GUCY2C: variants seen among roughly 807,000 people sequenced by gnomAD.
GUCY2C encodes guanylate cyclase 2C.
A neutral mutation model predicts 131.1 loss-of-function variants in GUCY2C; 118 were observed. The ratio of observed to expected loss-of-function variants is 0.90; its 90% CI spans 0.78 to 1.05. The LOEUF (loss-of-function observed/expected upper bound fraction) is 1.05. GUCY2C is among the 50% of genes least tolerant of loss of function. The pLI, the probability that GUCY2C is intolerant of heterozygous loss-of-function variation, is 0.00. For missense variants in GUCY2C, 1,161 were observed against 1,304.4 expected (o/e 0.89, Z 1.69); for synonymous variants, 452 against 457.8 (o/e 0.99, Z 0.16).
At chr12:14,626,016 G>T in intron 20 of GUCY2C, 101 bp from the exon 21 acceptor site, 1 of 738,356 alleles carries the variant, frequency 1.4e-6, no homozygotes. Context: ...ATTAAACAAA[G>T]AAAAATAAAA....
rs113878420 is a variant in GUCY2C at position 14,646,028 on chromosome 12, G to A, written c.1711-713C>T. Among the ~76,000 whole-genome samples, 697 of 152,020 alleles carry A rather than the reference G, an allele frequency of 4.6e-3. 7 individuals are homozygous for A. Among genetic ancestry groups the A allele is most frequent in the African/African-American group, 0.016 (660 of 41,490 alleles). ...CTTTTGTATTTTTACTAGAGACGGG[G>A]TTTCGCTACGTTGGCCAGGCTGATC... On this transcript the variant is annotated intron_variant, in intron 15 of 26. Coordinates refer to ENST00000261170, the MANE Select transcript of GUCY2C (RefSeq NM_004963.4).
chr12:14,678,141 A>C (rs1468454484), intron 6 of GUCY2C, among the ~76,000 whole-genome samples: 1 of 152,146 alleles, frequency 6.6e-6, no homozygotes, highest in African/African-American at 2.4e-5. Context: ...CACATCTACT[A>C]TGTGCTGAGA....
intron 15 of GUCY2C, among the ~76,000 whole-genome samples, chr12:14,650,069 C>G (rs1321409597): frequency 2.0e-5 from 3 of 151,992 alleles, no homozygotes; most frequent in Non-Finnish European, 4.4e-5. Flanking sequence ...AAAATAATAA[C>G]TAGAAGTGAA....
chr12:14,659,752 G>A lies in GUCY2C; in HGVS notation c.1364+1229C>T, dbSNP rs11615411. Among the ~76,000 whole-genome samples the A allele has an allele frequency of 5.9e-5, 9 of 152,128 alleles. No homozygotes were observed. The South Asian group carries it at 6.2e-4, about 10-fold the overall frequency. On this transcript the variant is annotated intron_variant, in intron 11 of 26. Coordinates refer to ENST00000261170, the MANE Select transcript of GUCY2C (RefSeq NM_004963.4). ...ACTGAATTAGGGGATTTCTTAAATG[G>A]TTTGCTAGTTTTCTTGCATAGGCTG...
chr12:14,688,485 G>A (rs1592149298), intron 1 of GUCY2C, among the ~76,000 whole-genome samples: 2 of 152,192 alleles, frequency 1.3e-5, no homozygotes, highest in Non-Finnish European at 2.9e-5. Context: ...GTGTTGGGAA[G>A]CAAAGACATA....
chr12:14,636,547 A>C (rs753504613), intron 19 of GUCY2C, among the ~76,000 whole-genome samples: 3 of 152,206 alleles, frequency 2.0e-5, no homozygotes, highest in Non-Finnish European at 4.4e-5. Flanking sequence ...AGAATGAGGA[A>C]AAGCTGAAAG....
chr12:14,621,431 G>T (rs569397113), intron 22 of GUCY2C, among the ~76,000 whole-genome samples: 53 of 152,094 alleles, frequency 3.5e-4, no homozygotes, highest in Non-Finnish European at 5.3e-4. Flanking sequence ...TAGCTATAAA[G>T]GAATTTAGCC....
chr12:14,638,776 G>A (rs1436533233), intron 19 of GUCY2C, among the ~76,000 whole-genome samples: 1 of 152,104 alleles, frequency 6.6e-6, no homozygotes, highest in East Asian at 1.9e-4. Context: ...GAAGGAATAA[G>A]TTATAATGTT....
At chr12:14,695,698 C>T (rs571409850) in intron 1 of GUCY2C, among the ~76,000 whole-genome samples, 1 of 151,634 alleles carries the variant, frequency 6.6e-6, no homozygotes, top group African/African-American at 2.4e-5. Context: ...GTGAAATTGA[C>T]TGTCTTAATT....
chr12:14,681,003 G>A (rs189245618), intron 5 of GUCY2C, among the ~76,000 whole-genome samples: 1 of 152,074 alleles, frequency 6.6e-6, no homozygotes, highest in African/African-American at 2.4e-5. Context: ...TGTGAAGATT[G>A]GTCACAAATC....
At chr12:14,624,117 G>C (rs1946954491) in intron 21 of GUCY2C, among the ~76,000 whole-genome samples, 2 of 152,126 alleles carry the variant, frequency 1.3e-5, no homozygotes, top group African/African-American at 4.8e-5. Context: ...TTAGTATACA[G>C]AGTAGATCTC....
chr12:14,615,775 G>A (rs1035413620), intron 25 of GUCY2C, among the ~76,000 whole-genome samples: 2 of 151,916 alleles, frequency 1.3e-5, no homozygotes, highest in Non-Finnish European at 2.9e-5. Context: ...ACTTATGGAG[G>A]ACTCAAAAAG....
rs1215433293 is a variant in GUCY2C at position 14,641,164 on chromosome 12, A to G, written c.1986T>C (p.Asp662=). 3 of 1,613,748 alleles carry G rather than the reference A, an allele frequency of 1.9e-6. No individual in the cohort carries two copies. The highest frequency in any genetic ancestry group is 1.1e-5 in the South Asian group (1 of 91,068). ...GTGCGATGATCCCATAGCTGTACAC[A>G]TCTCCTTTCTGAGAGATGTTGGCTT... ...LRQANISQKG[D]VYSYGIIAQE... is the part of the protein sequence containing the mutation. The change falls in exon 18 of 27, where the codon GAT becomes GAC. Residue 662 remains aspartate, a synonymous_variant. Transcript: ENST00000261170.
chr12:14,643,498 A>G, intron 17 of GUCY2C, 76 bp downstream of exon 17: 1 of 1,375,684 alleles, frequency 7.3e-7, no homozygotes. Context: ...TCAGTATTAC[A>G]ATTTCCTGAC....
intron 15 of GUCY2C, among the ~76,000 whole-genome samples, chr12:14,647,874 A>G (rs1157217168): frequency 2.6e-5 from 4 of 151,994 alleles, no homozygotes; most frequent in Non-Finnish European, 5.9e-5. Flanking sequence ...TCTAGTCATC[A>G]TACAAATTTC....
At chr12:14,648,656 C>T (rs1460153588) in intron 15 of GUCY2C, among the ~76,000 whole-genome samples, 1 of 152,166 alleles carries the variant, frequency 6.6e-6, no homozygotes, top group African/African-American at 2.4e-5. Flanking sequence ...TTTACGATGG[C>T]ATATGTATTC....
Position 14,688,737 on chromosome 12 carries a change from G to A in GUCY2C, c.218-674C>T, listed in dbSNP as rs148936594. Reference sequence around the variant, plus strand: ...CACAGAATAATGCATTTCTGATAGGGTGGTCATGGAAGCCCTAGGGGGAGC... The same window carrying A: ...CACAGAATAATGCATTTCTGATAGGATGGTCATGGAAGCCCTAGGGGGAGC... On this transcript the variant is annotated intron_variant, in intron 1 of 26. Coordinates refer to ENST00000261170, the MANE Select transcript of GUCY2C (RefSeq NM_004963.4). Among the ~76,000 whole-genome samples the A allele has an allele frequency of 3.7e-3, 565 of 152,324 alleles. 2 individuals are homozygous for A. Among genetic ancestry groups the A allele is most frequent in the Middle Eastern group, 0.014 (4 of 294 alleles).
At position 14,628,522 on chromosome 12, in the gene GUCY2C, G is replaced by T. The variant is rs1036975965; in HGVS notation, c.2249+124C>A. 1.5e-5 allele frequency: 10 copies of T among 647,858 alleles called. No individual in the cohort carries two copies. The Admixed American group carries it at 1.7e-4, about 11-fold the overall frequency. 40.1% of individuals were successfully genotyped at this position (647,858 alleles called of 1,614,324 possible). On this transcript the variant is annotated intron_variant, in intron 20 of 26. Coordinates refer to ENST00000261170, the MANE Select transcript of GUCY2C (RefSeq NM_004963.4). ...ATCATTTTAATGTTATGAGGCAGTTGTTGGTTGCCACCTGGGATTTTTCAC... is the reference window on the plus strand; with the variant it reads ...ATCATTTTAATGTTATGAGGCAGTTTTTGGTTGCCACCTGGGATTTTTCAC...
intron 6 of GUCY2C, among the ~76,000 whole-genome samples, chr12:14,679,178 G>C (rs961215738): frequency 6.6e-6 from 1 of 152,146 alleles, no homozygotes; most frequent in Non-Finnish European, 1.5e-5. Flanking sequence ...TCATTTTCTG[G>C]ACAAAGACTT....
Sources: allele counts gnomAD v4.1 joint callset (sites outside exome capture counted in the v4.1 genomes callset), GRCh38; gene constraint gnomAD v4.1.1; transcripts MANE v1.5; gene names NCBI Gene and HGNC (gene_info 2026-07-23, HGNC 2026-07-21).